Variants in KPNA6 observed in about 807,000 individuals in gnomAD.
KPNA6 encodes importin subunit alpha-7.
A neutral mutation model predicts 72.0 loss-of-function variants in KPNA6; 9 were observed. The observed-to-expected ratio is 0.13, with a 90% CI of 0.08 to 0.22. KPNA6 has a LOEUF of 0.22. Ranked by LOEUF, KPNA6 falls within the 10% of genes least tolerant of loss-of-function variation. The pLI is 1.00. For missense variants in KPNA6, 374 were observed against 655.7 expected (o/e 0.57, Z 4.69); for synonymous variants, 219 against 242.1 (o/e 0.90, Z 0.89).
chr1:32,128,516 T>C (rs1329766308), intron 1 of KPNA6, among the ~76,000 whole-genome samples: 1 of 149,938 alleles, frequency 6.7e-6, no homozygotes, highest in Non-Finnish European at 1.5e-5. Flanking sequence ...GAGATAGTTT[T>C]CCCCCAGTGG....
Position 32,158,268 on chromosome 1 carries a change from G to A in KPNA6, c.333G>A (p.Glu111=). ...TQKFRKLLSK[E]PSPPIDEVIN... ...TATTTTCCCTTCTCCCTTATCCAGA[G>A]CCTAGTCCTCCAATAGATGAAGTTA... The change falls in exon 5 of 14, where the codon GAG becomes GAA. Residue 111 remains glutamate (E), a splice_region_variant and synonymous_variant. Coordinates refer to ENST00000373625, the MANE Select transcript of KPNA6 (RefSeq NM_012316.5). 1 of 1,607,350 alleles carries A rather than the reference G, an allele frequency of 6.2e-7. No individual in the cohort carries two copies. The highest frequency in any genetic ancestry group is 1.1e-5 in the South Asian group (1 of 90,876).
chr1:32,136,310 A>G (rs887607167), intron 1 of KPNA6, among the ~76,000 whole-genome samples: 2 of 152,018 alleles, frequency 1.3e-5, no homozygotes, highest in African/African-American at 2.4e-5. Context: ...AGCTGGGATT[A>G]TAAGTGCCTG....
chr1:32,138,543 CAAAAAAAA>C (rs563911504), intron 1 of KPNA6, among the ~76,000 whole-genome samples: 3,490 of 48,948 alleles, frequency 0.071, 158 homozygotes, highest in African/African-American at 0.2. Context: ...AACTCCATCT[CAAAAAAAA>C]AAAAAAAAAA....
chr1:32,167,128 G>A, intron 11 of KPNA6, 41 bp from the exon 12 acceptor site: 2 of 1,604,648 alleles, frequency 1.2e-6, no homozygotes, highest in Non-Finnish European at 1.7e-6. Flanking sequence ...ATGCTGAAAT[G>A]ACTTTCTCCT....
chr1:32,119,227 C>T (rs1205010880), intron 1 of KPNA6, among the ~76,000 whole-genome samples: 4 of 151,356 alleles, frequency 2.6e-5, no homozygotes, highest in Non-Finnish European at 5.9e-5. Context: ...GGTGGGGTTT[C>T]ACCATGTTGA....
intron 9 of KPNA6, 45 bp from the exon 10 acceptor site, chr1:32,163,190 G>A (rs749455372): frequency 2.0e-5 from 27 of 1,323,770 alleles, no homozygotes; most frequent in South Asian, 9.5e-5. Flanking sequence ...CAGCAGGGCC[G>A]AAAATGGTGT....
At chr1:32,136,679 G>T (rs573904410) in intron 1 of KPNA6, among the ~76,000 whole-genome samples, 1 of 152,184 alleles carries the variant, frequency 6.6e-6, no homozygotes. Flanking sequence ...GAGTATCAGA[G>T]GAGAGATCAG....
chr1:32,139,232 C>A (rs1381822480), intron 1 of KPNA6, among the ~76,000 whole-genome samples: 1 of 152,060 alleles, frequency 6.6e-6, no homozygotes, highest in Admixed American at 6.6e-5. Flanking sequence ...CTATGGAGAG[C>A]AGATGGATTG....
intron 1 of KPNA6, among the ~76,000 whole-genome samples, chr1:32,108,504 T>TC (rs758902592): frequency 1.1e-4 from 16 of 152,334 alleles, no homozygotes; most frequent in African/African-American, 3.4e-4. Flanking sequence ...GGTAGCTTTC[T>TC]CCTGGGTTGT....
Position 32,160,686 on chromosome 1 carries a change from C to T in KPNA6, c.630C>T (p.Ile210=). The T allele has an allele frequency of 6.2e-7, 1 of 1,613,570 alleles. No homozygotes were observed. Among genetic ancestry groups the T allele is most frequent in the Non-Finnish European group, 8.5e-7 (1 of 1,179,494 alleles). The change falls in exon 7 of 14, where the codon ATC becomes ATT. Residue 210 remains isoleucine, a synonymous_variant. Coordinates refer to ENST00000373625, the MANE Select transcript of KPNA6 (RefSeq NM_012316.5). ...GAGATTACGTCTTGAACTGTTCCAT[C>T]CTTAATCCTTTGTTAACGTGAGTAA... ...VCRDYVLNCS[I]LNPLLTLLTK...
chr1:32,150,716 TC>T (rs767880343), intron 1 of KPNA6, among the ~76,000 whole-genome samples: 1 of 152,018 alleles, frequency 6.6e-6, no homozygotes, highest in Non-Finnish European at 1.5e-5. Flanking sequence ...AACTTCCACC[TC>T]CCTGGTTCAA....
intron 4 of KPNA6, 58 bp from the exon 5 acceptor site, chr1:32,158,209 A>T: frequency 8.8e-7 from 1 of 1,138,180 alleles, no homozygotes; most frequent in Non-Finnish European, 1.3e-6. Context: ...GCTGACCCCC[A>T]TGAAGGGATC....
chr1:32,166,665 C>T (rs566110528), intron 11 of KPNA6, among the ~76,000 whole-genome samples: 2 of 145,818 alleles, frequency 1.4e-5, no homozygotes, highest in South Asian at 2.2e-4. Context: ...CATGGTGGCT[C>T]ATGCTTGTAA....
At chr1:32,162,707 C>T (rs1427321754) in intron 9 of KPNA6, among the ~76,000 whole-genome samples, 183 bp downstream of exon 9, 1 of 151,918 alleles carries the variant, frequency 6.6e-6, no homozygotes, top group African/African-American at 2.4e-5. Context: ...CAGTGGCAGG[C>T]GCCTGTAATC....
intron 1 of KPNA6, among the ~76,000 whole-genome samples, chr1:32,124,546 G>A (rs1289763112): frequency 6.8e-6 from 1 of 146,188 alleles, no homozygotes; most frequent in Non-Finnish European, 1.5e-5. Flanking sequence ...TCGCTCTGTT[G>A]CCCAGGCTGG....
chr1:32,146,573 C>T (rs1336702387), intron 1 of KPNA6, among the ~76,000 whole-genome samples: 1 of 152,138 alleles, frequency 6.6e-6, no homozygotes, highest in African/African-American at 2.4e-5. Context: ...CAGCTTAATT[C>T]AGAAGCATAC....
At chr1:32,130,813 G>A (rs1641623581) in intron 1 of KPNA6, among the ~76,000 whole-genome samples, 1 of 151,798 alleles carries the variant, frequency 6.6e-6, no homozygotes, top group Non-Finnish European at 1.5e-5. Flanking sequence ...TTAAGAAAGG[G>A]CTCATGTGGA....
intron 1 of KPNA6, among the ~76,000 whole-genome samples, chr1:32,147,078 C>T (rs1178681837): frequency 6.6e-6 from 1 of 151,966 alleles, no homozygotes; most frequent in Non-Finnish European, 1.5e-5. Flanking sequence ...AGACTGGTCT[C>T]GAACTCGGCT....
chr1:32,163,168 AAG>A (rs1180339277), intron 9 of KPNA6, 65 bp from the exon 10 acceptor site: 28 of 1,011,696 alleles, frequency 2.8e-5, no homozygotes, highest in Non-Finnish European at 4.2e-5. Flanking sequence ...GCTCAGACTA[AAG>A]AGAGAGAATC....
Sources: gnomAD v4.1 joint callset for allele counts (sites outside exome capture counted in the v4.1 genomes callset) on GRCh38, gnomAD v4.1.1 for gene constraint, MANE v1.5 for transcripts, NCBI Gene and HGNC (gene_info 2026-07-23, HGNC 2026-07-21) for gene names.